MKLN1: variants seen among roughly 807,000 people sequenced by gnomAD.
The protein encoded by MKLN1 is muskelin.
A neutral mutation model predicts 99.0 loss-of-function variants in MKLN1; 18 were observed. That is an observed-to-expected ratio of 0.18 (90% CI 0.13 to 0.27). MKLN1 has a LOEUF of 0.27. Among genes scored for constraint, MKLN1 ranks in the 10% least tolerant of loss-of-function variants. MKLN1 has a pLI of 1.00. For missense variants in MKLN1, 621 were observed against 875.9 expected, an observed-to-expected ratio of 0.71 and a Z score of 3.67; for synonymous variants, 288 against 293.2, an observed-to-expected ratio of 0.98 and a Z score of 0.18.
In MKLN1 at chr7:131,133,247, C is replaced by T. The variant is rs375127726; in HGVS notation, c.-418-9573C>T. Among the ~76,000 whole-genome samples, 27 of 151,968 alleles carry T rather than the reference C, an allele frequency of 1.8e-4. No individual in the cohort carries two copies. In the East Asian group the frequency reaches 2.5e-3, roughly 14 times the overall value. ...TCCACCTTCTTTCCAGCCTTACCTG[C>T]TTCCCTCCTGGCAACTTCAAAGACG... On this transcript the variant is annotated intron_variant, in intron 1 of 7. Coordinates refer to the MKLN1 transcript ENST00000416992.
At chr7:131,280,521 A>G (rs79449142) in intron 3 of MKLN1, among the ~76,000 whole-genome samples, 8,890 of 152,184 alleles carry the variant, frequency 0.058, 349 homozygotes, top group East Asian at 0.16. Context: ...TCTCACTGTG[A>G]TTTTGACTTG....
chr7:131,327,784 G>A, upstream of MKLN1: 2 of 1,445,490 alleles, frequency 1.4e-6, no homozygotes, highest in Non-Finnish European at 1.8e-6. Flanking sequence ...AACGATGCGG[G>A]GCGGGGAGCG....
At chr7:131,192,042 G>C (rs865985776) in intron 2 of MKLN1, among the ~76,000 whole-genome samples, 1 of 109,352 alleles carries the variant, frequency 9.1e-6, no homozygotes. Flanking sequence ...ATGTGTGTGT[G>C]TATATGTATA....
At chr7:131,171,002 G>A (rs980826946) in intron 2 of MKLN1, among the ~76,000 whole-genome samples, 2 of 152,166 alleles carry the variant, frequency 1.3e-5, no homozygotes, top group Non-Finnish European at 1.5e-5. Flanking sequence ...AAAAGATCAA[G>A]ATAACATTCC....
intron 16 of MKLN1, among the ~76,000 whole-genome samples, chr7:131,475,947 G>A (rs1253832560): frequency 6.6e-6 from 1 of 152,158 alleles, no homozygotes; most frequent in Non-Finnish European, 1.5e-5. Flanking sequence ...TAAAAGGTTA[G>A]TGTACTATGA....
chr7:131,242,871 A>T, intron 3 of MKLN1: 2 of 666,142 alleles, frequency 3.0e-6, no homozygotes, highest in Admixed American at 3.7e-5. Context: ...CTTGGACAAA[A>T]CTGTCATCAA....
At chr7:131,325,345 T>C (rs956212907), upstream of MKLN1, among the ~76,000 whole-genome samples, 4 of 151,536 alleles carry the variant, frequency 2.6e-5, no homozygotes, top group Admixed American at 6.6e-5. Flanking sequence ...TTAGCTTGCA[T>C]AGGAAAAAAA....
intron 2 of MKLN1, among the ~76,000 whole-genome samples, chr7:131,168,660 T>A (rs1796170992): frequency 6.6e-6 from 1 of 152,172 alleles, no homozygotes; most frequent in Non-Finnish European, 1.5e-5. Context: ...ATTAATTCAA[T>A]GTCTACCTAC....
rs568450569 is a variant in MKLN1 at position 131,496,561 on chromosome 7, G to A, written c.*8833G>A. The A allele has an allele frequency of 1.2e-4, 18 of 152,040 alleles. No homozygotes were observed. Among genetic ancestry groups the A allele is most frequent in the South Asian group, 6.2e-4 (3 of 4,820 alleles). 9.4% of individuals were successfully genotyped at this position (152,040 alleles called of 1,614,324 possible). On this transcript the variant is annotated 3_prime_UTR_variant, in exon 18 of 18. Transcript: ENST00000352689. ...AAAATGGCAATTGTAGAATTATGTTGTATGTAATGTACATATGGAGAAAGA... is the reference window on the plus strand; with the variant it reads ...AAAATGGCAATTGTAGAATTATGTTATATGTAATGTACATATGGAGAAAGA...
chr7:131,232,129 T>G (rs1424924668), intron 3 of MKLN1, among the ~76,000 whole-genome samples: 1 of 152,160 alleles, frequency 6.6e-6, no homozygotes, highest in Non-Finnish European at 1.5e-5. Context: ...CATATAAAAA[T>G]TTTTCTCCAG....
chr7:131,124,479 A>G (rs887626108), intron 1 of MKLN1, among the ~76,000 whole-genome samples: 1 of 152,140 alleles, frequency 6.6e-6, no homozygotes. Context: ...AGCCCTACTT[A>G]TGGGTCCAAC....
chr7:131,175,909 CAA>C (rs1486526076), intron 2 of MKLN1, among the ~76,000 whole-genome samples: 1 of 151,624 alleles, frequency 6.6e-6, no homozygotes, highest in Non-Finnish European at 1.5e-5. Context: ...AAAAAAAAAC[CAA>C]AAAACAAATA....
At chr7:131,478,943 T>G (rs985623545) in intron 17 of MKLN1, 2 of 504,044 alleles carry the variant, frequency 4.0e-6, no homozygotes, top group Non-Finnish European at 7.0e-6. Context: ...CAAAATAAAT[T>G]AATTTGTATA....
At chr7:131,430,197 C>A (rs1295513205) in intron 9 of MKLN1, among the ~76,000 whole-genome samples, 1 of 152,030 alleles carries the variant, frequency 6.6e-6, no homozygotes, top group African/African-American at 2.4e-5. Flanking sequence ...TGATTTTGAT[C>A]TAGGAAGGCC....
At chr7:131,196,984 G>A (rs576620047) in intron 2 of MKLN1, among the ~76,000 whole-genome samples, 86 of 152,250 alleles carry the variant, frequency 5.6e-4, no homozygotes, top group African/African-American at 1.9e-3. Context: ...CTCATTGTGT[G>A]CAGCTCCTTT....
chr7:131,154,511 G>A lies in MKLN1; in HGVS notation c.-297+11570G>A, dbSNP rs112081089. Among the ~76,000 whole-genome samples the A allele has an allele frequency of 9.5e-3, 1,443 of 152,278 alleles. 19 individuals are homozygous for A. Among genetic ancestry groups the A allele is most frequent in the African/African-American group, 0.033 (1,378 of 41,544 alleles). ...AATCCTGTGGTCCTGAATTTGAATTGAGAGTTGATATAAATTTAGGGTGTC... is the reference window on the plus strand; with the variant it reads ...AATCCTGTGGTCCTGAATTTGAATTAAGAGTTGATATAAATTTAGGGTGTC... On this transcript the variant is annotated intron_variant, in intron 2 of 7. Coordinates refer to the MKLN1 transcript ENST00000416992.
At chr7:131,379,184 C>T (rs1793763599) in intron 2 of MKLN1, among the ~76,000 whole-genome samples, 1 of 152,134 alleles carries the variant, frequency 6.6e-6, no homozygotes, top group Non-Finnish European at 1.5e-5. Flanking sequence ...GAAGCAAATG[C>T]AGATCTTCTC....
intron 2 of MKLN1, among the ~76,000 whole-genome samples, chr7:131,170,115 C>A (rs942587331): frequency 5.9e-5 from 9 of 151,956 alleles, no homozygotes; most frequent in African/African-American, 1.5e-4. Flanking sequence ...AGAGAGAGAG[C>A]GAGCCATTGT....
chr7:131,134,350 G>C (rs78321447), intron 1 of MKLN1, among the ~76,000 whole-genome samples: 1,626 of 152,000 alleles, frequency 0.011, 30 homozygotes, highest in African/African-American at 0.032. Context: ...GCTGCCTCAG[G>C]CTTTTTTTCA....
Sources: allele counts gnomAD v4.1 joint callset (sites outside exome capture counted in the v4.1 genomes callset), GRCh38; gene constraint gnomAD v4.1.1; transcripts MANE v1.5; gene names NCBI Gene and HGNC (gene_info 2026-07-23, HGNC 2026-07-21).